The following UNC13C variants were observed in gnomAD, a reference collection of about 807,000 sequenced individuals.
UNC13C encodes the protein unc-13 homolog C.
A neutral mutation model predicts 245.4 loss-of-function variants in UNC13C; 174 were observed. The observed-to-expected ratio is 0.71, with a 90% confidence interval of 0.63 to 0.80. The LOEUF is 0.80. Among genes scored for constraint, UNC13C ranks in the 30% least tolerant of loss-of-function variants. The pLI, the probability that UNC13C is intolerant of heterozygous loss-of-function variation, is 0.00. For synonymous variants in UNC13C, 992 were observed against 895.1 expected (o/e 1.11, Z -1.93); for missense variants, 2,829 against 2,602.9 (o/e 1.09, Z -1.89).
intron 17 of UNC13C, among the ~76,000 whole-genome samples, chr15:54,364,784 C>T (rs551373193): frequency 6.6e-6 from 1 of 152,138 alleles, no homozygotes; most frequent in East Asian, 1.9e-4. Context: ...CTAGATGGTG[C>T]CGGTAACACA....
chr15:54,169,459 C>G (rs2033303622), intron 4 of UNC13C, among the ~76,000 whole-genome samples: 1 of 152,064 alleles, frequency 6.6e-6, no homozygotes, highest in Admixed American at 6.6e-5. Flanking sequence ...TTGTCAATTC[C>G]TACAGTAATT....
the UNC13C span, among the ~76,000 whole-genome samples, chr15:53,867,360 A>G: frequency 6.6e-6 from 1 of 152,228 alleles, no homozygotes; most frequent in African/African-American, 2.4e-5. Flanking sequence ...CAGATAAAAC[A>G]TTAACAACGT....
At chr15:53,906,529 CT>C in the UNC13C span, among the ~76,000 whole-genome samples, 3 of 152,130 alleles carry the variant, frequency 2.0e-5, no homozygotes, top group East Asian at 5.8e-4. Flanking sequence ...CCCTGTCTCC[CT>C]TTTTGCATGG....
chr15:53,865,876 A>G, the UNC13C span, among the ~76,000 whole-genome samples: 1 of 152,194 alleles, frequency 6.6e-6, no homozygotes, highest in Non-Finnish European at 1.5e-5. Context: ...AAATATTCAC[A>G]TACAAAAAAT....
chr15:53,945,668 C>T, the UNC13C span, among the ~76,000 whole-genome samples: 18 of 152,022 alleles, frequency 1.2e-4, no homozygotes, highest in African/African-American at 3.9e-4. Context: ...AGGTTGAAGT[C>T]AGGTAGCGTG....
the UNC13C span, among the ~76,000 whole-genome samples, chr15:53,878,012 A>G: frequency 6.6e-6 from 1 of 152,164 alleles, no homozygotes; most frequent in Admixed American, 6.5e-5. Context: ...ATGTTGATCT[A>G]CCATAATGCT....
intron 1 of UNC13C, among the ~76,000 whole-genome samples, chr15:54,004,798 A>G (rs1229663108): frequency 6.6e-6 from 1 of 152,146 alleles, no homozygotes; most frequent in African/African-American, 2.4e-5. Context: ...TTCCGTTTGT[A>G]TATATTCTTT....
rs562803623 is a variant in UNC13C, at chr15:54,310,679, A to G, written c.4268+10306A>G. Among the ~76,000 whole-genome samples, 15 of 151,768 alleles carry G rather than the reference A, an allele frequency of 9.9e-5. No homozygotes were observed. The South Asian group carries it at 2.3e-3, about 23-fold the overall frequency. ...GCTAGGTTTAGCATGAAGCATCTTT[A>G]TGCCTTGGTACTCTTAACTCTAAAT... On this transcript the variant is annotated intron_variant, in intron 13 of 32. Transcript: ENST00000260323.
At chr15:54,549,056 C>A (rs1896616418) in intron 27 of UNC13C, among the ~76,000 whole-genome samples, 1 of 152,144 alleles carries the variant, frequency 6.6e-6, no homozygotes, top group South Asian at 2.1e-4. Flanking sequence ...TAGTACTTTT[C>A]CAGTCACATA....
chr15:54,260,881 T>C (rs1301105957), intron 8 of UNC13C, among the ~76,000 whole-genome samples: 1 of 151,744 alleles, frequency 6.6e-6, no homozygotes, highest in Admixed American at 6.6e-5. Context: ...TAAATTGCCA[T>C]ATAAAGATGG....
intron 26 of UNC13C, among the ~76,000 whole-genome samples, chr15:54,539,413 T>A (rs4109295): frequency 0.55 from 83,939 of 151,662 alleles, 24,855 homozygotes; most frequent in African/African-American, 0.77. Context: ...AGAAGGAGAA[T>A]TACTTTTCCT....
At chr15:54,093,249 T>G (rs147261952) in intron 2 of UNC13C, among the ~76,000 whole-genome samples, 652 of 151,554 alleles carry the variant, frequency 4.3e-3, no homozygotes, top group Non-Finnish European at 5.7e-3. Flanking sequence ...AAAACTTGAG[T>G]CAGCCAAATA....
At chr15:54,584,404 C>G (rs1208198090) in intron 30 of UNC13C, among the ~76,000 whole-genome samples, 2 of 152,176 alleles carry the variant, frequency 1.3e-5, no homozygotes, top group South Asian at 4.1e-4. Context: ...ACCTCGAATT[C>G]TTTAGCCGAA....
chr15:54,518,646 C>T (rs1434761205), intron 24 of UNC13C, among the ~76,000 whole-genome samples: 1 of 152,168 alleles, frequency 6.6e-6, no homozygotes, highest in Non-Finnish European at 1.5e-5. Context: ...CCCTACTAAG[C>T]AGAATAGTCC....
chr15:54,592,571 C>A (rs532497091), intron 30 of UNC13C, among the ~76,000 whole-genome samples: 2 of 152,080 alleles, frequency 1.3e-5, no homozygotes, highest in Non-Finnish European at 2.9e-5. Flanking sequence ...CTCTTTTAAC[C>A]GCTGTTGCTT....
At chr15:54,484,208 G>A (rs1018680730) in intron 19 of UNC13C, among the ~76,000 whole-genome samples, 1 of 152,172 alleles carries the variant, frequency 6.6e-6, no homozygotes, top group Non-Finnish European at 1.5e-5. Context: ...ATTATAGTGG[G>A]AGACATGGTC....
At chr15:54,066,233 G>A (rs1032249721) in intron 2 of UNC13C, among the ~76,000 whole-genome samples, 1 of 152,186 alleles carries the variant, frequency 6.6e-6, no homozygotes, top group African/African-American at 2.4e-5. Context: ...TAAGATGATA[G>A]CTAATGCTTT....
intron 10 of UNC13C, among the ~76,000 whole-genome samples, chr15:54,293,103 C>T (rs908059280): frequency 4.6e-5 from 7 of 151,660 alleles, no homozygotes; most frequent in Non-Finnish European, 4.4e-5. Context: ...TAGAGGAAAT[C>T]ATGTACAGGA....
intron 4 of UNC13C, among the ~76,000 whole-genome samples, chr15:54,203,301 G>A (rs1365991339): frequency 2.0e-5 from 3 of 151,576 alleles, no homozygotes; most frequent in Non-Finnish European, 4.4e-5. Context: ...TAGATCTACT[G>A]TTGATCCAGC....
Sources: allele counts gnomAD v4.1 joint callset (sites outside exome capture counted in the v4.1 genomes callset), GRCh38; gene constraint gnomAD v4.1.1; transcripts MANE v1.5; gene names NCBI Gene and HGNC (gene_info 2026-07-23, HGNC 2026-07-21).